NCAPD2: variants seen among roughly 807,000 people sequenced by gnomAD.
NCAPD2 encodes non-SMC condensin I complex subunit D2, also known as condensin complex subunit 1.
A neutral mutation model predicts 164.5 loss-of-function variants in NCAPD2; 100 were observed. That is an observed-to-expected ratio of 0.61 (90% CI 0.52 to 0.72). The LOEUF is 0.72. NCAPD2 is among the 30% of genes least tolerant of loss of function. The pLI is 0.00. For synonymous variants in NCAPD2, 585 were observed against 642.6 expected (o/e 0.91, Z 1.36); for missense variants, 1,560 against 1,749.2 (o/e 0.89, Z 1.93).
intron 13 of NCAPD2, among the ~76,000 whole-genome samples, chr12:6,518,492 A>G (rs77749387): frequency 0.01 from 1,095 of 109,392 alleles, 25 homozygotes; most frequent in African/African-American, 0.038. Flanking sequence ...AAGCCCTTAC[A>G]GCCGTCAACA....
At chr12:6,521,347 T>C (rs909685461) in intron 14 of NCAPD2, among the ~76,000 whole-genome samples, 21 of 152,174 alleles carry the variant, frequency 1.4e-4, no homozygotes, top group Non-Finnish European at 2.8e-4. Flanking sequence ...AATTTAGATA[T>C]TTTAGAGTAA....
intron 13 of NCAPD2, among the ~76,000 whole-genome samples, chr12:6,519,656 C>T (rs1946246435): frequency 2.0e-5 from 3 of 151,984 alleles, no homozygotes; most frequent in Non-Finnish European, 4.4e-5. Flanking sequence ...ATTCTCTGCC[C>T]ACTGATCTAC....
chr12:6,530,596 G>A, intron 29 of NCAPD2, 95 bp from the exon 30 acceptor site: 2 of 1,510,136 alleles, frequency 1.3e-6, no homozygotes, highest in Non-Finnish European at 1.8e-6. Context: ...TTAGTAATGT[G>A]CGTTTAAGGC....
intron 17 of NCAPD2, 59 bp from the exon 18 acceptor site, chr12:6,525,524 A>C: frequency 6.4e-7 from 1 of 1,556,778 alleles, no homozygotes; most frequent in Non-Finnish European, 8.7e-7. Flanking sequence ...TCAGAAAAGC[A>C]GACCAAAGAT....
rs573218823 is a variant in NCAPD2, at chr12:6,511,386, G to A, written c.587+134G>A. 2.8e-4 allele frequency: 301 copies of A among 1,090,758 alleles called. No individual in the cohort carries two copies. In the African/African-American group the frequency reaches 4.3e-3, roughly 16 times the overall value. The allele number at this position is 1,090,758 out of a possible 1,614,324, so 67.6% of individuals were successfully genotyped here. On this transcript the variant is annotated intron_variant, in intron 6 of 31. Coordinates refer to ENST00000315579, the MANE Select transcript of NCAPD2 (RefSeq NM_014865.4). ...TCACTCTTGTCGCCCAGGCTGGAGC[G>A]CAGTGGTTCAATCTCGGCTCACTGC...
At chr12:6,495,337 A>C (rs1945969220) in intron 2 of NCAPD2, 112 bp downstream of exon 2, 1 of 1,359,706 alleles carries the variant, frequency 7.4e-7, no homozygotes. Flanking sequence ...TAAGAGCAAG[A>C]AACATGTTTT....
intron 2 of NCAPD2, among the ~76,000 whole-genome samples, chr12:6,497,210 A>T (rs969047461): frequency 6.6e-6 from 1 of 152,168 alleles, no homozygotes; most frequent in Non-Finnish European, 1.5e-5. Context: ...TATCATGTGG[A>T]TATATGTGTC....
intron 13 of NCAPD2, 113 bp from the exon 14 acceptor site, chr12:6,520,873 C>T (rs376160698): frequency 8.4e-6 from 12 of 1,422,080 alleles, no homozygotes; most frequent in Admixed American, 4.2e-5. Flanking sequence ...ATGTTAAGTG[C>T]TCCTTTTCTC....
chr12:6,510,901 T>G lies in NCAPD2; in HGVS notation c.444+91T>G, dbSNP rs144782230. ...AGGGAATCCAATGATCCACAAATCC[T>G]TTCTGTCCTCATTGAGAATTTAGGA... On this transcript the variant is annotated intron_variant, in intron 5 of 31. Transcript: ENST00000315579. The G allele has an allele frequency of 3.5e-5, 51 of 1,459,090 alleles. No individual in the cohort carries two copies. In the African/African-American group the frequency reaches 6.8e-4, roughly 19 times the overall value. 90.4% of individuals were successfully genotyped at this position (1,459,090 alleles called of 1,614,324 possible).
Position 6,525,773 on chromosome 12 carries a change from G to C in NCAPD2, c.2348+57G>C, listed in dbSNP as rs918107057. The C allele has an allele frequency of 5.7e-6, 9 of 1,589,358 alleles. No individual in the cohort carries two copies. In the African/African-American group the frequency reaches 9.4e-5, roughly 17 times the overall value. On this transcript the variant is annotated intron_variant, in intron 18 of 31. Transcript: ENST00000315579. ...GGAGAGCAAAGGAAGGTTCTGAGAG[G>C]GCTCCTTTTCCTTCAGTGACATTGT...
chr12:6,519,867 CAA>C (rs113336454), intron 13 of NCAPD2, among the ~76,000 whole-genome samples: 2 of 132,656 alleles, frequency 1.5e-5, no homozygotes, highest in Non-Finnish European at 1.6e-5. Context: ...GAGTCCATCT[CAA>C]AAAAAAAAAA....
chr12:6,496,759 G>T lies in NCAPD2; in HGVS notation c.127+1534G>T, dbSNP rs141706131. Among the ~76,000 whole-genome samples, 540 of 152,198 alleles carry T rather than the reference G, an allele frequency of 3.5e-3. 2 individuals are homozygous for T. Among genetic ancestry groups the T allele is most frequent in the Middle Eastern group, 0.017 (5 of 294 alleles). ...TGCAGCCTCAATCTACCAGGCTCAA[G>T]CAGTCCTCCCACCTCAGCCTCCCAA... On this transcript the variant is annotated intron_variant, in intron 2 of 31. Transcript: ENST00000315579.
At position 6,511,162 on chromosome 12, in the gene NCAPD2, G is replaced by A; in HGVS notation, c.497G>A (p.Arg166Lys). The A allele has an allele frequency of 6.2e-7, 1 of 1,614,128 alleles. No homozygotes were observed. Among genetic ancestry groups the A allele is most frequent in the Non-Finnish European group, 8.5e-7 (1 of 1,180,006 alleles). Residue 166 changes from arginine (R) to lysine (K), a missense_variant, in exon 6 of 32, where the codon AGG becomes AAG. Transcript: ENST00000315579. ...CATGGCTTTGACTGGGAAGAAGAGA[G>A]GCAACCAATTCTTCAGCTTTTAACA... Reference protein sequence around the residue: ...AAHGFDWEEERQPILQLLTQL... With the variant: ...AAHGFDWEEEKQPILQLLTQL...
intron 2 of NCAPD2, among the ~76,000 whole-genome samples, chr12:6,505,969 GT>G (rs201953760): frequency 1.0e-4 from 15 of 148,654 alleles, no homozygotes; most frequent in Non-Finnish European, 3.0e-5. Flanking sequence ...GTTTTTTGGT[GT>G]TTTTTTTTTA....
intron 2 of NCAPD2, among the ~76,000 whole-genome samples, chr12:6,506,695 A>G (rs188388854): frequency 1.3e-5 from 2 of 152,134 alleles, no homozygotes; most frequent in African/African-American, 4.8e-5. Flanking sequence ...TTAAAAAAAA[A>G]TTAGCCAGAT....
In NCAPD2 at chr12:6,525,686, C is replaced by G; in HGVS notation, c.2318C>G (p.Ser773Cys). 6.2e-7 allele frequency: 1 copy of G among 1,613,530 alleles called. No homozygotes were observed. Among genetic ancestry groups the G allele is most frequent in the Non-Finnish European group, 8.5e-7 (1 of 1,179,940 alleles). Residue 773 changes from serine to cysteine, a missense_variant, in exon 18 of 32, where the codon TCC (serine) becomes TGC (cysteine). Transcript: ENST00000315579. ...KVACCPLERC[S>C]SVMLLGMMAR... ...GCCTGCTGTCCTCTGGAGCGCTGTT[C>G]CTCTGTCATGCTTCTTGGCATGATG... is the stretch of plus-strand genomic sequence containing the variant.
chr12:6,499,046 A>T (rs2137035701), intron 2 of NCAPD2, among the ~76,000 whole-genome samples: 2 of 152,256 alleles, frequency 1.3e-5, no homozygotes, highest in African/African-American at 4.8e-5. Flanking sequence ...CAAGGTGGCT[A>T]CTAATGGGTG....
chr12:6,517,125 T>C, intron 10 of NCAPD2, 100 bp downstream of exon 10: 2 of 1,401,366 alleles, frequency 1.4e-6, no homozygotes, highest in Non-Finnish European at 2.0e-6. Flanking sequence ...CAAAGAGGTC[T>C]AGAATTCACA....
intron 2 of NCAPD2, among the ~76,000 whole-genome samples, chr12:6,495,848 C>A (rs1945977305): frequency 1.3e-5 from 2 of 152,126 alleles, no homozygotes; most frequent in Admixed American, 1.3e-4. Context: ...GATTTGAATC[C>A]TGGTTCTACC....
Sources: gnomAD v4.1 joint callset for allele counts (sites outside exome capture counted in the v4.1 genomes callset) on GRCh38, gnomAD v4.1.1 for gene constraint, MANE v1.5 for transcripts, NCBI Gene and HGNC (gene_info 2026-07-23, HGNC 2026-07-21) for gene names.